INVS: variants seen among roughly 807,000 people sequenced by gnomAD.
The protein encoded by INVS is inversion of embryo turning homolog.
A neutral mutation model predicts 108.8 loss-of-function variants in INVS; 86 were observed. The ratio of observed to expected loss-of-function variants is 0.79; its 90% CI spans 0.66 to 0.95. The LOEUF is 0.95. Ranked by LOEUF, INVS falls within the 40% of genes least tolerant of loss-of-function variation. The pLI is 0.00. For missense variants in INVS, 1,169 were observed against 1,297.4 expected (o/e 0.90, Z 1.52); for synonymous variants, 455 against 473.5 (o/e 0.96, Z 0.51).
intron 3 of INVS, among the ~76,000 whole-genome samples, chr9:100,203,917 C>G (rs2118250394): frequency 6.6e-6 from 1 of 152,228 alleles, no homozygotes; most frequent in South Asian, 2.1e-4. Context: ...TCTAGAAGCT[C>G]TGAGAAGTTG....
intron 7 of INVS, among the ~76,000 whole-genome samples, chr9:100,245,929 C>A (rs1413268367): frequency 6.6e-6 from 1 of 151,998 alleles, no homozygotes; most frequent in Non-Finnish European, 1.5e-5. Context: ...CTTTGGGAGG[C>A]CAAGATGGAT....
At chr9:100,291,410 GTATTT>G (rs1229434491) in intron 13 of INVS, among the ~76,000 whole-genome samples, 3 of 152,056 alleles carry the variant, frequency 2.0e-5, no homozygotes, top group African/African-American at 7.2e-5. Context: ...TCCTTTTCTC[GTATTT>G]TAAACTTCTT....
At chr9:100,123,252 C>T (rs930003795) in intron 2 of INVS, among the ~76,000 whole-genome samples, 31 of 152,132 alleles carry the variant, frequency 2.0e-4, no homozygotes, top group Non-Finnish European at 1.5e-5. Context: ...GGCTGTTACT[C>T]TTCAAATTTG....
chr9:100,166,969 G>A (rs1390616575), intron 3 of INVS, among the ~76,000 whole-genome samples: 1 of 152,202 alleles, frequency 6.6e-6, no homozygotes, highest in East Asian at 1.9e-4. Flanking sequence ...GTTGAGCGCA[G>A]TGGCTTACAC....
At chr9:100,275,969 C>A (rs1833100875) in intron 12 of INVS, among the ~76,000 whole-genome samples, 1 of 152,162 alleles carries the variant, frequency 6.6e-6, no homozygotes, top group Non-Finnish European at 1.5e-5. Flanking sequence ...GTTGATCACC[C>A]TTCTTCCCTG....
At chr9:100,178,066 T>G (rs1185910740) in intron 3 of INVS, among the ~76,000 whole-genome samples, 1 of 151,890 alleles carries the variant, frequency 6.6e-6, no homozygotes, top group African/African-American at 2.4e-5. Context: ...CTAACAAAAA[T>G]AAAAGAATAA....
intron 10 of INVS, among the ~76,000 whole-genome samples, chr9:100,253,830 G>T (rs1277242347): frequency 6.6e-6 from 1 of 152,102 alleles, no homozygotes; most frequent in Admixed American, 6.5e-5. Context: ...GTACATTTGG[G>T]TTGGTTCCAA....
rs780090630 is a variant in INVS at position 100,154,331 on chromosome 9, A to ATT, written c.273+27809_273+27810dup. Among the ~76,000 whole-genome samples the ATT allele has an allele frequency of 7.6e-3, 519 of 68,576 alleles. 40 individuals are homozygous for ATT. Among genetic ancestry groups the ATT allele is most frequent in the African/African-American group, 0.011 (149 of 12,990 alleles). The allele number at this position is 68,576 out of a possible 152,430, so 45.0% of individuals were successfully genotyped here. A position where few individuals can be genotyped will look rare whatever the true frequency, so the allele number is the denominator to read the frequency against. On this transcript the variant is annotated intron_variant, in intron 3 of 16. Coordinates refer to ENST00000262457, the MANE Select transcript of INVS (RefSeq NM_014425.5). ...AGGTGTGTGCCACCACAACCGACTA[A>ATT]TTTTTTTTTTTTTTTTTTTTTTTTT...
chr9:100,111,106 C>T (rs1392162415), intron 2 of INVS, among the ~76,000 whole-genome samples: 1 of 152,088 alleles, frequency 6.6e-6, no homozygotes. Flanking sequence ...AAAATGCCTT[C>T]CCAAGATTGT....
At position 100,242,573 on chromosome 9, in the gene INVS, A is replaced by G. The variant is rs747248321; in HGVS notation, c.800A>G (p.His267Arg). The stretch of plus-strand genomic sequence containing the variant: ...ACCTTTTTGTGTCTTTTCTCAGGCC[A>G]TGCACAGATTGTCCATCTCCTTTTA... ...TPLHWAALLG[H>R]AQIVHLLLER... is the part of the protein sequence containing the mutation. Residue 267 changes from histidine (H) to arginine (R), a missense_variant, in exon 7 of 17, where the codon CAT (histidine) becomes CGT (arginine). Transcript: ENST00000262457. The G allele has an allele frequency of 1.0e-5, 16 of 1,560,020 alleles. No homozygotes were observed. The Admixed American group carries it at 2.5e-4, about 24-fold the overall frequency.
At chr9:100,115,311 TA>T (rs1827478251) in intron 2 of INVS, among the ~76,000 whole-genome samples, 1 of 151,218 alleles carries the variant, frequency 6.6e-6, no homozygotes, top group Non-Finnish European at 1.5e-5. Flanking sequence ...TATATATATA[TA>T]TTTTTATTAT....
At position 100,272,998 on chromosome 9, in the gene INVS, A is replaced by G. The variant is rs1564186137; in HGVS notation, c.1706A>G (p.Tyr569Cys). 6.2e-7 allele frequency: 1 copy of G among 1,614,110 alleles called. No homozygotes were observed. ...AFKIQAVYKGYKVRKAFRDRK... is the reference protein window; with the variant it reads ...AFKIQAVYKGCKVRKAFRDRK... ...AAAATCCAAGCTGTCTACAAAGGGTACAAGGTCAGAAAAGCCTTCCGAGAC... is the reference window on the plus strand; with the variant it reads ...AAAATCCAAGCTGTCTACAAAGGGTGCAAGGTCAGAAAAGCCTTCCGAGAC... Residue 569 changes from tyrosine (Y) to cysteine (C), a missense_variant, in exon 12 of 17, where the codon TAC becomes TGC. By Grantham distance (194) the Tyr-to-Cys change is radical. This residue lies in a region of INVS where 271 missense variants were observed against 363.8 expected (regional missense o/e 0.74). Transcript: ENST00000262457.
At chr9:100,236,763 A>G (rs892860741) in intron 5 of INVS, among the ~76,000 whole-genome samples, 1 of 152,140 alleles carries the variant, frequency 6.6e-6, no homozygotes, top group African/African-American at 2.4e-5. Context: ...GCTAGATTCC[A>G]GCTGGGGCTC....
rs1380362787 is a variant in INVS, at chr9:100,301,664, G to T, written c.*990G>T. 6.6e-6 allele frequency among the ~76,000 whole-genome samples: 1 copy of T among 152,124 alleles called. No individual in the cohort carries two copies. The highest frequency in any genetic ancestry group is 1.5e-5 in the Non-Finnish European group (1 of 68,020). On this transcript the variant is annotated 3_prime_UTR_variant, in exon 17 of 17. Coordinates refer to ENST00000262457, the MANE Select transcript of INVS (RefSeq NM_014425.5). ...GCTGCTGTGAGAATATTGACAGTAG[G>T]CATAAACAGTGATATATTTTACTCA...
At chr9:100,136,655 C>T (rs1016499633) in intron 3 of INVS, among the ~76,000 whole-genome samples, 4 of 151,906 alleles carry the variant, frequency 2.6e-5, no homozygotes, top group African/African-American at 4.8e-5. Context: ...TATTTGAACA[C>T]GTTTAAATGT....
At chr9:100,218,172 A>G (rs1188454781) in intron 3 of INVS, among the ~76,000 whole-genome samples, 1 of 152,184 alleles carries the variant, frequency 6.6e-6, no homozygotes, top group Non-Finnish European at 1.5e-5. Flanking sequence ...CCAAAATTTT[A>G]TACCAATTTG....
chr9:100,239,141 C>G (rs944885331), intron 5 of INVS, among the ~76,000 whole-genome samples: 1 of 152,100 alleles, frequency 6.6e-6, no homozygotes, highest in Non-Finnish European at 1.5e-5. Context: ...GCTGTCTAGC[C>G]TATGGAAAAA....
intron 10 of INVS, among the ~76,000 whole-genome samples, chr9:100,263,243 C>T (rs185882703): frequency 6.6e-5 from 10 of 152,078 alleles, no homozygotes; most frequent in Non-Finnish European, 1.5e-4. Flanking sequence ...TTATGTATTG[C>T]TGCTGTAACA....
intron 16 of INVS, 110 bp from the exon 17 acceptor site, chr9:100,300,458 A>T: frequency 2.7e-6 from 2 of 748,396 alleles, no homozygotes; most frequent in African/African-American, 1.7e-5. Context: ...CTGGCCCATC[A>T]TCCCAGGGAT....
Sources: allele counts gnomAD v4.1 joint callset (sites outside exome capture counted in the v4.1 genomes callset), GRCh38; gene constraint gnomAD v4.1.1; regional missense constraint gnomAD v4.1.1; transcripts MANE v1.5; gene names NCBI Gene and HGNC (gene_info 2026-07-23, HGNC 2026-07-21).